Variants in SHC3 observed in about 807,000 individuals in gnomAD.
The protein encoded by SHC3 is SHC-transforming protein 3.
A neutral mutation model predicts 60.4 loss-of-function variants in SHC3; 15 were observed. The ratio of observed to expected loss-of-function variants is 0.25; its 90% CI spans 0.17 to 0.38. SHC3 has a LOEUF of 0.38. Among genes scored for constraint, SHC3 ranks in the 10% least tolerant of loss-of-function variants. SHC3 has a pLI of 1.00. For synonymous variants in SHC3, 294 were observed against 325.9 expected, an observed-to-expected ratio of 0.90 and a Z score of 1.05; for missense variants, 677 against 786.1, an observed-to-expected ratio of 0.86 and a Z score of 1.66.
chr9:89,152,116 T>C (rs1025354619), intron 1 of SHC3, among the ~76,000 whole-genome samples: 29 of 152,194 alleles, frequency 1.9e-4, no homozygotes, highest in African/African-American at 6.5e-4. Flanking sequence ...ATGTTACATA[T>C]TGCTCTCTGG....
chr9:89,085,652 C>T (rs1178865138), intron 2 of SHC3, among the ~76,000 whole-genome samples: 2 of 152,312 alleles, frequency 1.3e-5, no homozygotes, highest in East Asian at 3.9e-4. Flanking sequence ...ACTCCGGGAC[C>T]TAATGGTTTC....
intron 1 of SHC3, among the ~76,000 whole-genome samples, chr9:89,160,026 T>A (rs1468178931): frequency 1.3e-5 from 2 of 152,214 alleles, no homozygotes; most frequent in South Asian, 4.1e-4. Context: ...GGTCACTTCA[T>A]CTAATAGGGA....
rs1299778284 is a variant in SHC3 at position 89,178,310 on chromosome 9, C to T, written c.151G>A (p.Glu51Lys). Residue 51 changes from glutamate to lysine, a missense_variant, in exon 1 of 12, where the codon GAG (glutamate) becomes AAG (lysine). Transcript: ENST00000375835. The surrounding 1 kb of genome is among the most constrained non-coding windows in gnomAD (Gnocchi z 6.9). Reference protein sequence around the residue: ...PAAAPYLVSGEALRKAPDDGP... With the variant: ...PAAAPYLVSGKALRKAPDDGP... Reference sequence around the variant, plus strand: ...TCGTCGGGCGCCTTGCGCAGCGCCTCGCCGGACACCAAGTAGGGAGCCGCC... The same window carrying T: ...TCGTCGGGCGCCTTGCGCAGCGCCTTGCCGGACACCAAGTAGGGAGCCGCC... 8 of 1,587,804 alleles carry T rather than the reference C, an allele frequency of 5.0e-6. No homozygotes were observed. The highest frequency in any genetic ancestry group is 3.5e-5 in the Admixed American group (2 of 57,454).
chr9:89,014,576 G>T (rs914608992), intron 11 of SHC3, among the ~76,000 whole-genome samples: 7 of 152,286 alleles, frequency 4.6e-5, no homozygotes, highest in African/African-American at 1.7e-4. Flanking sequence ...CTCCATCAGT[G>T]TGTGCAGATG....
At chr9:89,175,928 C>T (rs1826936384) in intron 1 of SHC3, among the ~76,000 whole-genome samples, 1 of 152,172 alleles carries the variant, frequency 6.6e-6, no homozygotes, top group Non-Finnish European at 1.5e-5. Flanking sequence ...AACAGAGGGC[C>T]ATGTGATAAT....
At chr9:89,096,962 G>A (rs974842533) in intron 2 of SHC3, among the ~76,000 whole-genome samples, 8 of 152,170 alleles carry the variant, frequency 5.3e-5, no homozygotes, top group East Asian at 1.9e-4. Flanking sequence ...CTCAATCCAC[G>A]CAGGTGTTCA....
chr9:89,069,736 T>C (rs1825239625), intron 5 of SHC3, among the ~76,000 whole-genome samples: 1 of 152,222 alleles, frequency 6.6e-6, no homozygotes, highest in Non-Finnish European at 1.5e-5. Context: ...ATGCCCAGAA[T>C]GGCCATGATG....
At chr9:89,048,768 C>G (rs182916037) in intron 7 of SHC3, among the ~76,000 whole-genome samples, 1 of 152,334 alleles carries the variant, frequency 6.6e-6, no homozygotes, top group African/African-American at 2.4e-5. Context: ...TGTGGGTTCT[C>G]TCATGTTCCC....
chr9:89,178,485 C>T lies in SHC3; in HGVS notation c.-25G>A. 7.0e-7 allele frequency: 1 copy of T among 1,420,352 alleles called. No individual in the cohort carries two copies. Among genetic ancestry groups the T allele is most frequent in the South Asian group, 1.6e-5 (1 of 62,034 alleles). The allele number at this position is 1,420,352 out of a possible 1,614,324, so 88.0% of individuals were successfully genotyped here. A position where few individuals can be genotyped will look rare whatever the true frequency, so the allele number is the denominator to read the frequency against. On this transcript the variant is annotated 5_prime_UTR_variant, in exon 1 of 12. Coordinates refer to ENST00000375835, the MANE Select transcript of SHC3 (RefSeq NM_016848.6). The surrounding 1 kb of genome is among the most constrained non-coding windows in gnomAD (Gnocchi z 6.9). ...TGCCCCTCCGTGGGCTCGCTGCATC[C>T]GCCCGGGCGCTGCTGGTGCCGGCCC... is the stretch of plus-strand genomic sequence containing the variant.
At chr9:89,154,589 T>C (rs1158643910) in intron 1 of SHC3, among the ~76,000 whole-genome samples, 1 of 152,246 alleles carries the variant, frequency 6.6e-6, no homozygotes, top group Admixed American at 6.5e-5. Flanking sequence ...CCCCTAATCA[T>C]GTATCTGTTT....
chr9:89,141,049 C>T (rs2118190994), intron 1 of SHC3, among the ~76,000 whole-genome samples: 1 of 152,190 alleles, frequency 6.6e-6, no homozygotes, highest in Non-Finnish European at 1.5e-5. Context: ...GCCAAACAGC[C>T]AATATTTCTG....
chr9:89,050,210 C>A (rs1156814522), intron 7 of SHC3, among the ~76,000 whole-genome samples: 1 of 152,154 alleles, frequency 6.6e-6, no homozygotes, highest in Non-Finnish European at 1.5e-5. Flanking sequence ...AAATGCAACC[C>A]ATTTACCCAC....
chr9:89,140,990 G>A (rs957263881), intron 1 of SHC3, among the ~76,000 whole-genome samples: 26 of 152,200 alleles, frequency 1.7e-4, no homozygotes, highest in African/African-American at 6.3e-4. Flanking sequence ...TAACCATAGC[G>A]CTCTTTTAAA....
chr9:89,168,255 C>T (rs1401013925), intron 1 of SHC3, among the ~76,000 whole-genome samples: 2 of 152,166 alleles, frequency 1.3e-5, no homozygotes, highest in Non-Finnish European at 2.9e-5. Context: ...CACCTGAGGT[C>T]GGGAGTTCGA....
At chr9:89,151,406 G>C (rs977626388) in intron 1 of SHC3, among the ~76,000 whole-genome samples, 1 of 151,506 alleles carries the variant, frequency 6.6e-6, no homozygotes, top group Admixed American at 6.6e-5. Flanking sequence ...AATGGGATTA[G>C]TGGCCTCATA....
chr9:89,154,079 C>G (rs1052174142), intron 1 of SHC3, among the ~76,000 whole-genome samples: 2 of 152,112 alleles, frequency 1.3e-5, no homozygotes, highest in Non-Finnish European at 2.9e-5. Flanking sequence ...CTAGTCCAAC[C>G]CTTGGCCATG....
chr9:89,167,626 G>A (rs937828254), intron 1 of SHC3, among the ~76,000 whole-genome samples: 1 of 152,204 alleles, frequency 6.6e-6, no homozygotes, highest in Non-Finnish European at 1.5e-5. Flanking sequence ...ACCCTGCCTA[G>A]TTCCATTTTC....
rs1231053694 is a variant in SHC3 at position 89,178,220 on chromosome 9, G to A, written c.241C>T (p.Leu81Phe). The change falls in exon 1 of 12, where the codon CTC becomes TTC. Residue 81 changes from leucine to phenylalanine, a missense_variant. Transcript: ENST00000375835. The surrounding 1 kb of genome is among the most constrained non-coding windows in gnomAD (Gnocchi z 6.9). ...VSHLKLSSSG[L>F]RGLSSAARER... ...CGGGCGGCCGACGACAGGCCGCGGA[G>A]GCCCGAGCTGGAGAGTTTCAGGTGG... 9 of 1,465,316 alleles carry A rather than the reference G, an allele frequency of 6.1e-6. No individual in the cohort carries two copies. Among genetic ancestry groups the A allele is most frequent in the Non-Finnish European group, 8.1e-6 (9 of 1,108,376 alleles). 90.8% of individuals were successfully genotyped at this position (1,465,316 alleles called of 1,614,324 possible).
At chr9:89,087,459 C>A (rs2118042972) in intron 2 of SHC3, among the ~76,000 whole-genome samples, 1 of 152,266 alleles carries the variant, frequency 6.6e-6, no homozygotes, top group Middle Eastern at 3.4e-3. Context: ...TGATGGCCTC[C>A]CCCTGCTCTT....
Sources: gnomAD v4.1 joint callset for allele counts (sites outside exome capture counted in the v4.1 genomes callset) on GRCh38, gnomAD v4.1.1 for gene constraint, Gnocchi (gnomAD v3.1) non-coding constraint, MANE v1.5 for transcripts, NCBI Gene and HGNC (gene_info 2026-07-23, HGNC 2026-07-21) for gene names.